The following CALCR variants were observed in gnomAD, a reference collection of about 807,000 sequenced individuals.
CALCR encodes calcitonin receptor.
CALCR carries 47 observed loss-of-function variants against 59.5 expected under a neutral mutation model. The ratio of observed to expected loss-of-function variants is 0.79; its 90% CI spans 0.63 to 1.01. The LOEUF (loss-of-function observed/expected upper bound fraction) is 1.01. Ranked by LOEUF, CALCR falls within the 50% of genes least tolerant of loss-of-function variation. The probability of loss-of-function intolerance (pLI) is 0.00; values close to 1 mark genes in which losing one functional copy is unlikely to be tolerated. For synonymous variants in CALCR, 213 were observed against 211.3 expected (o/e 1.01, Z -0.07); for missense variants, 566 against 597.1 (o/e 0.95, Z 0.54).
intron 2 of CALCR, among the ~76,000 whole-genome samples, chr7:93,556,237 T>A (rs1001680445): frequency 1.3e-5 from 2 of 152,158 alleles, no homozygotes; most frequent in Non-Finnish European, 2.9e-5. Flanking sequence ...GGCCTGATAT[T>A]GGCATGAAAG....
At chr7:93,547,815 T>C (rs1789330930) in intron 2 of CALCR, among the ~76,000 whole-genome samples, 2 of 152,204 alleles carry the variant, frequency 1.3e-5, no homozygotes, top group Admixed American at 6.6e-5. Flanking sequence ...CTCTGTATCA[T>C]GGACTTTCAG....
chr7:93,537,459 G>T (rs779747948), intron 2 of CALCR, among the ~76,000 whole-genome samples: 1 of 151,648 alleles, frequency 6.6e-6, no homozygotes, highest in Admixed American at 6.6e-5. Flanking sequence ...CTTTCACTAC[G>T]TTGCATTAGA....
In CALCR at chr7:93,436,183, G is replaced by A. The variant is rs372388923; in HGVS notation, c.931-13C>T. 5.1e-5 allele frequency: 81 copies of A among 1,597,470 alleles called. 1 individual carries two copies. Among genetic ancestry groups the A allele is most frequent in the East Asian group, 2.2e-4 (10 of 44,782 alleles). On this transcript the variant is annotated splice_polypyrimidine_tract_variant and intron_variant, in intron 11 of 13. Transcript: ENST00000426151. ...AGAAGAAATTGACCTGCAAATATAC[G>A]GTGTTATGAGCAAATCATACAGAAA...
intron 5 of CALCR, among the ~76,000 whole-genome samples, chr7:93,475,493 C>T (rs948971594): frequency 2.0e-5 from 3 of 150,954 alleles, no homozygotes; most frequent in African/African-American, 7.3e-5. Context: ...AGCTTACTTG[C>T]AATTTTTAAA....
chr7:93,432,512 C>T (rs1047920047), intron 13 of CALCR, among the ~76,000 whole-genome samples: 13 of 152,190 alleles, frequency 8.5e-5, no homozygotes, highest in Non-Finnish European at 1.9e-4. Flanking sequence ...TTTACCTTCC[C>T]CCAGTAACGG....
At chr7:93,445,755 AC>A (rs1326523191) in intron 8 of CALCR, among the ~76,000 whole-genome samples, 1 of 152,018 alleles carries the variant, frequency 6.6e-6, no homozygotes, top group East Asian at 1.9e-4. Flanking sequence ...TATTACTTCT[AC>A]CTGAAGAAAA....
chr7:93,495,886 C>T (rs1801190334), intron 2 of CALCR: 1 of 1,530,748 alleles, frequency 6.5e-7, no homozygotes, highest in South Asian at 1.2e-5. Flanking sequence ...TGGTTTGTAT[C>T]CACAAATGGG....
At chr7:93,494,550 C>T (rs1170590422) in intron 2 of CALCR, among the ~76,000 whole-genome samples, 1 of 151,400 alleles carries the variant, frequency 6.6e-6, no homozygotes, top group Non-Finnish European at 1.5e-5. Flanking sequence ...ATTTTAAAGA[C>T]TTGCATTATT....
chr7:93,497,429 T>C (rs1801232072), intron 2 of CALCR, among the ~76,000 whole-genome samples: 1 of 151,620 alleles, frequency 6.6e-6, no homozygotes, highest in Non-Finnish European at 1.5e-5. Context: ...TTCTTTGATT[T>C]AGTTCTTAAG....
chr7:93,468,459 A>G (rs1800484061), intron 7 of CALCR, among the ~76,000 whole-genome samples: 1 of 151,812 alleles, frequency 6.6e-6, no homozygotes, highest in South Asian at 2.1e-4. Flanking sequence ...ATGGATTCAC[A>G]GGACTGTCTT....
In CALCR at chr7:93,434,510, G is replaced by A. The variant is rs12669504; in HGVS notation, c.1150-216C>T. On this transcript the variant is annotated intron_variant, in intron 12 of 13. Coordinates refer to ENST00000426151, the MANE Select transcript of CALCR (RefSeq NM_001742.4). ...ATTCCATCGTTTGGCTAGAAGGACGGATTAATATTTTGCTAATCTAAATAA... is the reference window on the plus strand; with the variant it reads ...ATTCCATCGTTTGGCTAGAAGGACGAATTAATATTTTGCTAATCTAAATAA... 0.13 allele frequency among the ~76,000 whole-genome samples: 20,304 copies of A among 151,584 alleles called. 1,754 individuals are homozygous for A. The highest frequency in any genetic ancestry group is 0.47 in the East Asian group (2,401 of 5,132).
At chr7:93,539,796 C>CT (rs999433496) in intron 2 of CALCR, among the ~76,000 whole-genome samples, 32 of 152,078 alleles carry the variant, frequency 2.1e-4, no homozygotes, top group African/African-American at 6.8e-4. Flanking sequence ...AAGACGCTTC[C>CT]CTCTGATGCA....
rs565576868 is a variant in CALCR, at chr7:93,507,667, G to A, written c.-26-20660C>T. ...TCATGCCTGTAATCCCAACACTTTGGGAGGCCGAGGTGGGTGGATCACGAG... is the reference window on the plus strand; with the variant it reads ...TCATGCCTGTAATCCCAACACTTTGAGAGGCCGAGGTGGGTGGATCACGAG... On this transcript the variant is annotated intron_variant, in intron 2 of 13. Transcript: ENST00000426151. Among the ~76,000 whole-genome samples the A allele has an allele frequency of 2.6e-5, 4 of 151,372 alleles. No individual in the cohort carries two copies. The South Asian group carries it at 8.4e-4, about 32-fold the overall frequency.
chr7:93,427,856 C>T (rs1351037507), intron 13 of CALCR, among the ~76,000 whole-genome samples: 2 of 151,712 alleles, frequency 1.3e-5, no homozygotes, highest in African/African-American at 4.8e-5. Flanking sequence ...CAAATGATTC[C>T]TCAAAAAGCA....
At chr7:93,548,745 T>G (rs1398208974) in intron 2 of CALCR, among the ~76,000 whole-genome samples, 1 of 151,922 alleles carries the variant, frequency 6.6e-6, no homozygotes, top group African/African-American at 2.4e-5. Context: ...AAGCTTTACT[T>G]TAACTACTTA....
intron 2 of CALCR, among the ~76,000 whole-genome samples, chr7:93,545,580 G>A (rs1448416717): frequency 1.3e-5 from 2 of 152,136 alleles, no homozygotes; most frequent in African/African-American, 4.8e-5. Context: ...GGCTAGCCAG[G>A]ACCCTGAGAA....
chr7:93,570,827 T>C (rs1216866573), intron 2 of CALCR, among the ~76,000 whole-genome samples: 2 of 151,902 alleles, frequency 1.3e-5, no homozygotes, highest in East Asian at 1.9e-4. Flanking sequence ...CCCTGAAACA[T>C]TTTTTTTCTT....
At chr7:93,515,546 A>G (rs1261900061) in intron 2 of CALCR, among the ~76,000 whole-genome samples, 1 of 152,074 alleles carries the variant, frequency 6.6e-6, no homozygotes, top group Admixed American at 6.6e-5. Flanking sequence ...TCTCAAATAT[A>G]TCTGCTTATA....
At chr7:93,447,237 C>G (rs1476676494) in intron 8 of CALCR, among the ~76,000 whole-genome samples, 2 of 152,016 alleles carry the variant, frequency 1.3e-5, no homozygotes, top group African/African-American at 4.8e-5. Flanking sequence ...AATTATAGAA[C>G]ACAGGTTTTC....
Sources: allele counts gnomAD v4.1 joint callset (sites outside exome capture counted in the v4.1 genomes callset), GRCh38; gene constraint gnomAD v4.1.1; transcripts MANE v1.5; gene names NCBI Gene and HGNC (gene_info 2026-07-23, HGNC 2026-07-21).